GRM7: variants seen among roughly 807,000 people sequenced by gnomAD.
GRM7 encodes the protein glutamate metabotropic receptor 7.
A neutral mutation model predicts 84.5 loss-of-function variants in GRM7; 35 were observed. The observed-to-expected ratio is 0.41, with a 90% CI of 0.32 to 0.55. GRM7 has a LOEUF of 0.55. Ranked by LOEUF, GRM7 falls within the 20% of genes least tolerant of loss-of-function variation. The probability of loss-of-function intolerance (pLI) is 0.19; values close to 1 mark genes in which losing one functional copy is unlikely to be tolerated. For missense variants in GRM7, 1,003 were observed against 1,194.6 expected (o/e 0.84, Z 2.36); for synonymous variants, 487 against 455.1 (o/e 1.07, Z -0.89).
chr3:7,656,511 AAAT>A (rs1326930187), intron 8 of GRM7, among the ~76,000 whole-genome samples: 33 of 70,654 alleles, frequency 4.7e-4, no homozygotes, highest in South Asian at 1.1e-3. Context: ...ACAAACAAAC[AAAT>A]AAAAAAAAAT....
chr3:7,669,222 T>TA (rs1380602265), intron 8 of GRM7, among the ~76,000 whole-genome samples: 2 of 152,114 alleles, frequency 1.3e-5, no homozygotes, highest in East Asian at 1.9e-4. Flanking sequence ...AGGAAAATAA[T>TA]ACATCCTATA....
intron 4 of GRM7, among the ~76,000 whole-genome samples, chr3:7,396,949 A>G (rs948476295): frequency 6.6e-6 from 1 of 152,082 alleles, no homozygotes; most frequent in Non-Finnish European, 1.5e-5. Flanking sequence ...GAAGAAAACA[A>G]AAGTACCCCA....
chr3:7,254,256 T>G (rs988079111), intron 2 of GRM7, among the ~76,000 whole-genome samples: 9 of 152,238 alleles, frequency 5.9e-5, no homozygotes, highest in African/African-American at 2.2e-4. Flanking sequence ...AGTATGAATA[T>G]TTTTTTCAAA....
intron 2 of GRM7, among the ~76,000 whole-genome samples, chr3:7,197,484 T>A (rs190860622): frequency 6.6e-6 from 1 of 152,264 alleles, no homozygotes; most frequent in East Asian, 1.9e-4. Flanking sequence ...CTGTGATCAC[T>A]GGATTCAAGC....
chr3:7,698,098 GAGAA>G lies in GRM7; in HGVS notation c.2698+17806_2698+17809del, dbSNP rs199641702. ...TCCTCCAAGAGTTTGCAATTAAAAG[GAGAA>G]AGGAGAACAAATTACTCTTTGCCAG... On this transcript the variant is annotated intron_variant, in intron 9 of 9. Transcript: ENST00000357716. Among the ~76,000 whole-genome samples, 83 of 152,296 alleles carry G rather than the reference GAGAA, an allele frequency of 5.4e-4. 1 individual carries two copies. The East Asian group carries it at 0.013, about 23-fold the overall frequency.
At chr3:6,961,835 G>T (rs1693310868) in intron 1 of GRM7, among the ~76,000 whole-genome samples, 2 of 151,916 alleles carry the variant, frequency 1.3e-5, no homozygotes, top group Non-Finnish European at 1.5e-5. Context: ...TCAGTTTTCT[G>T]TATGCTCAGC....
intron 7 of GRM7, among the ~76,000 whole-genome samples, chr3:7,499,265 C>G (rs112547463): frequency 2.0e-5 from 3 of 152,284 alleles, no homozygotes; most frequent in African/African-American, 7.2e-5. Flanking sequence ...GCAGAAGATT[C>G]AGGCCTTTCC....
intron 2 of GRM7, among the ~76,000 whole-genome samples, chr3:7,250,372 T>A (rs924494175): frequency 7.8e-6 from 1 of 129,010 alleles, no homozygotes; most frequent in Non-Finnish European, 1.6e-5. Context: ...GTGAGTATAT[T>A]TTATAAATTA....
intron 1 of GRM7, among the ~76,000 whole-genome samples, chr3:7,059,031 T>G (rs1337121812): frequency 6.6e-6 from 1 of 151,878 alleles, no homozygotes; most frequent in Non-Finnish European, 1.5e-5. Flanking sequence ...AATGATTTCC[T>G]TATTAACGCT....
Position 7,107,061 on chromosome 3 carries a change from C to T in GRM7, c.520-39391C>T, listed in dbSNP as rs567708114. 8.8e-4 allele frequency among the ~76,000 whole-genome samples: 134 copies of T among 152,100 alleles called. 1 individual carries two copies. Among genetic ancestry groups the T allele is most frequent in the Middle Eastern group, 6.8e-3 (2 of 294 alleles). ...ACACAAAACCTAGGGGGCTATGACA[C>T]CTGAGGGACAGGATAGCCTGACTTG... On this transcript the variant is annotated intron_variant, in intron 1 of 9. Coordinates refer to ENST00000357716, the MANE Select transcript of GRM7 (RefSeq NM_000844.4).
Position 7,578,596 on chromosome 3 carries a change from C to T in GRM7, c.1690C>T (p.Pro564Ser). 1 of 1,614,078 alleles carries T rather than the reference C, an allele frequency of 6.2e-7. No homozygotes were observed. Among genetic ancestry groups the T allele is most frequent in the South Asian group, 1.1e-5 (1 of 91,080 alleles). Residue 564 changes from proline to serine, a missense_variant, in exon 8 of 10, where the codon CCC becomes TCC. Physicochemically the swap from Pro to Ser is moderately conservative, Grantham distance 74. This residue lies in a region of GRM7 where 910 missense variants were observed against 1,126.0 expected (regional missense o/e 0.81). Coordinates refer to ENST00000357716, the MANE Select transcript of GRM7 (RefSeq NM_000844.4). Reference sequence around the variant, plus strand: ...TGATGAGATGACATGCCAGCATTGCCCCTATGACCAGAGGCCCAATGAAAA... The same window carrying T: ...TGATGAGATGACATGCCAGCATTGCTCCTATGACCAGAGGCCCAATGAAAA... Reference protein sequence around the residue: ...QFDEMTCQHCPYDQRPNENRT... With the variant: ...QFDEMTCQHCSYDQRPNENRT...
At chr3:7,409,167 C>G (rs1442624655) in intron 4 of GRM7, among the ~76,000 whole-genome samples, 1 of 152,006 alleles carries the variant, frequency 6.6e-6, no homozygotes, top group Admixed American at 6.6e-5. Context: ...TTTTTCACTT[C>G]CTTCCCCCAA....
chr3:7,482,385 G>T (rs956868263), intron 7 of GRM7, among the ~76,000 whole-genome samples: 1 of 152,146 alleles, frequency 6.6e-6, no homozygotes, highest in Admixed American at 6.5e-5. Context: ...ACCTACCTCA[G>T]TGTAGCTGCA....
chr3:7,161,390 C>G (rs1336244301), intron 2 of GRM7, among the ~76,000 whole-genome samples: 2 of 146,174 alleles, frequency 1.4e-5, no homozygotes, highest in Non-Finnish European at 3.0e-5. Flanking sequence ...TTAACTCTTA[C>G]GTGAAATAAC....
chr3:7,237,014 T>G (rs1697370781), intron 2 of GRM7, among the ~76,000 whole-genome samples: 1 of 152,186 alleles, frequency 6.6e-6, no homozygotes, highest in Non-Finnish European at 1.5e-5. Flanking sequence ...TACTAAATAC[T>G]TCTGTATATA....
Position 7,578,407 on chromosome 3 carries a change from T to G in GRM7, c.1516-15T>G. 1 of 1,553,182 alleles carries G rather than the reference T, an allele frequency of 6.4e-7. No homozygotes were observed. The highest frequency in any genetic ancestry group is 8.8e-7 in the Non-Finnish European group (1 of 1,135,552). ...AGAATCTGCCTGATTCACCTTCTTATTTCTTATGTTACAGATAGAAGACAT... is the reference window on the plus strand; with the variant it reads ...AGAATCTGCCTGATTCACCTTCTTAGTTCTTATGTTACAGATAGAAGACAT... On this transcript the variant is annotated splice_polypyrimidine_tract_variant and intron_variant, in intron 7 of 9. Transcript: ENST00000357716.
intron 4 of GRM7, among the ~76,000 whole-genome samples, chr3:7,331,429 G>T (rs1420968622): frequency 6.6e-6 from 1 of 152,180 alleles, no homozygotes; most frequent in Non-Finnish European, 1.5e-5. Context: ...CAATTTGAAG[G>T]ATGTTTTTAA....
intron 5 of GRM7, among the ~76,000 whole-genome samples, chr3:7,424,422 C>T (rs1436483677): frequency 1.3e-5 from 2 of 152,040 alleles, no homozygotes; most frequent in Non-Finnish European, 2.9e-5. Context: ...TGCCTTATAT[C>T]ATGCTAGGCA....
chr3:7,120,505 G>A (rs1218996698), intron 1 of GRM7, among the ~76,000 whole-genome samples: 1 of 152,070 alleles, frequency 6.6e-6, no homozygotes, highest in Non-Finnish European at 1.5e-5. Flanking sequence ...TTTTGTATCA[G>A]GCATTTATAC....
Sources: gnomAD v4.1 joint callset for allele counts (sites outside exome capture counted in the v4.1 genomes callset) on GRCh38, gnomAD v4.1.1 for gene constraint, gnomAD v4.1.1 regional missense constraint, MANE v1.5 for transcripts, NCBI Gene and HGNC (gene_info 2026-07-23, HGNC 2026-07-21) for gene names.